Variants in PAPPA observed in about 807,000 individuals in gnomAD.
PAPPA encodes pappalysin 1.
PAPPA carries 60 observed loss-of-function variants against 164.0 expected under a neutral mutation model. That is an observed-to-expected ratio of 0.37 (90% confidence interval 0.30 to 0.45). The LOEUF (loss-of-function observed/expected upper bound fraction) is 0.45. PAPPA is among the 20% of genes least tolerant of loss of function. The pLI is 1.00. For synonymous variants in PAPPA, 875 were observed against 814.1 expected, an observed-to-expected ratio of 1.07 and a Z score of -1.27; for missense variants, 1,782 against 2,087.3, an observed-to-expected ratio of 0.85 and a Z score of 2.85.
Position 116,235,149 on chromosome 9 carries a change from T to A in PAPPA, c.2244T>A (p.Asp748Glu), listed in dbSNP as rs548846058. The change falls in exon 7 of 22, where the codon GAT becomes GAA. Residue 748 changes from aspartate (D) to glutamate (E), a missense_variant. Asp to Glu is a conservative substitution (Grantham distance 45). This residue lies in a region of PAPPA where 1,324 missense variants were observed against 1,656.9 expected (regional missense o/e 0.80). Transcript: ENST00000328252. The part of the protein sequence containing the change: ...WSPREAEGHP[D>E]VEQPCKSSVR... ...ATCTCTTCTGCATAGGTCATCCTGA[T>A]GTTGAACAGCCCTGTAAGTCCAGTG... The A allele has an allele frequency of 1.2e-6, 2 of 1,614,206 alleles. No individual in the cohort carries two copies. The highest frequency in any genetic ancestry group is 1.7e-6 in the Non-Finnish European group (2 of 1,180,022).
intron 9 of PAPPA, among the ~76,000 whole-genome samples, chr9:116,278,217 A>G (rs1845224707): frequency 6.6e-6 from 1 of 152,200 alleles, no homozygotes; most frequent in African/African-American, 2.4e-5. Flanking sequence ...TCTTTGTAAA[A>G]ATGATTTCAT....
At position 116,154,060 on chromosome 9, in the gene PAPPA, G is replaced by C; in HGVS notation, c.-113G>C. 2 of 1,145,074 alleles carry C rather than the reference G, an allele frequency of 1.7e-6. No homozygotes were observed. Among genetic ancestry groups the C allele is most frequent in the Non-Finnish European group, 2.2e-6 (2 of 924,220 alleles). The allele number at this position is 1,145,074 out of a possible 1,614,324, so 70.9% of individuals were successfully genotyped here. On this transcript the variant is annotated 5_prime_UTR_variant, in exon 1 of 22. Coordinates refer to ENST00000328252, the MANE Select transcript of PAPPA (RefSeq NM_002581.5). This position sits in a 1 kb window ranked among gnomAD's most constrained non-coding sequence, Gnocchi z 5.2. ...AAGAAAAAAGCAAGTGGAAAGGGGG[G>C]CTCGCCCAAGAAGGGTGAAGAAGCG...
chr9:116,193,022 G>A (rs1844061715), intron 2 of PAPPA, among the ~76,000 whole-genome samples: 1 of 152,016 alleles, frequency 6.6e-6, no homozygotes, highest in African/African-American at 2.4e-5. Flanking sequence ...TACAAAATGG[G>A]ATGGGTGGAA....
At chr9:116,265,168 A>G (rs1845051828) in intron 7 of PAPPA, among the ~76,000 whole-genome samples, 1 of 152,216 alleles carries the variant, frequency 6.6e-6, no homozygotes, top group African/African-American at 2.4e-5. Context: ...CCTATGCCTC[A>G]GATTCACCAT....
chr9:116,339,429 T>A (rs902497457), intron 13 of PAPPA, among the ~76,000 whole-genome samples: 11 of 152,044 alleles, frequency 7.2e-5, no homozygotes, highest in African/African-American at 2.7e-4. Flanking sequence ...AAAACTTGCC[T>A]CCATACCACA....
Position 116,235,574 on chromosome 9 carries a change from G to A in PAPPA, c.2669G>A (p.Arg890Gln), listed in dbSNP as rs1564194315. ...AAGCCCCTGAAGTATAAGGTGGTCC[G>A]GGACCCTCCTCTCCAGATGGATGTG... ...QCKPLKYKVV[R>Q]DPPLQMDVAS... is the part of the protein sequence containing the mutation. Residue 890 changes from arginine to glutamine, a missense_variant, in exon 7 of 22, where the codon CGG (arginine) becomes CAG (glutamine). Physicochemically the swap from Arg to Gln is conservative, Grantham distance 43. Around this residue, in one of 2 missense-constraint regions of PAPPA, gnomAD observed 1,324 missense variants for 1,656.9 expected, o/e 0.80. Coordinates refer to ENST00000328252, the MANE Select transcript of PAPPA (RefSeq NM_002581.5). 1.2e-6 allele frequency: 2 copies of A among 1,613,482 alleles called. No individual in the cohort carries two copies. Among genetic ancestry groups the A allele is most frequent in the Non-Finnish European group, 1.7e-6 (2 of 1,179,900 alleles).
chr9:116,332,425 C>T lies in PAPPA; in HGVS notation c.3354C>T (p.Ile1118=). 1 of 1,613,958 alleles carries T rather than the reference C, an allele frequency of 6.2e-7. No individual in the cohort carries two copies. The highest frequency in any genetic ancestry group is 1.6e-4 in the Middle Eastern group (1 of 6,062). The change falls in exon 12 of 22, where the codon ATC becomes ATT. Residue 1118 remains isoleucine (I), a synonymous_variant. Transcript: ENST00000328252. The part of the protein sequence containing the change: ...TYYGDQKQET[I]SVQLLDTKDQ... ...ATGGGGACCAAAAGCAGGAGACCATCAGCGTGCAGCTGCTTGATACCAAAG... is the reference window on the plus strand; with the variant it reads ...ATGGGGACCAAAAGCAGGAGACCATTAGCGTGCAGCTGCTTGATACCAAAG...
chr9:116,186,927 G>GA (rs1843977532), intron 1 of PAPPA, among the ~76,000 whole-genome samples: 1 of 152,058 alleles, frequency 6.6e-6, no homozygotes, highest in Non-Finnish European at 1.5e-5. Flanking sequence ...AAATTGTGAT[G>GA]AAAATGCTCC....
At chr9:116,268,535 A>ATT (rs920037601) in intron 8 of PAPPA, among the ~76,000 whole-genome samples, 1 of 149,944 alleles carries the variant, frequency 6.7e-6, no homozygotes, top group Non-Finnish European at 1.5e-5. Context: ...ATTTAGCCCA[A>ATT]TTTTTTTTTT....
At chr9:116,208,325 A>G (rs1215739049) in intron 3 of PAPPA, among the ~76,000 whole-genome samples, 1 of 152,220 alleles carries the variant, frequency 6.6e-6, no homozygotes, top group Admixed American at 6.5e-5. Context: ...AAATCATAGC[A>G]TAGATGAAAT....
At chr9:116,182,584 T>G (rs2118616401) in intron 1 of PAPPA, among the ~76,000 whole-genome samples, 1 of 152,280 alleles carries the variant, frequency 6.6e-6, no homozygotes, top group Admixed American at 6.5e-5. Flanking sequence ...ATGCCCAGAG[T>G]ATTCTCCCAC....
At chr9:116,375,779 T>C (rs774894729) in intron 19 of PAPPA, among the ~76,000 whole-genome samples, 3 of 152,170 alleles carry the variant, frequency 2.0e-5, no homozygotes, top group Non-Finnish European at 4.4e-5. Context: ...TTTACATGGA[T>C]TTTCCACATT....
At chr9:116,168,883 T>C (rs909054853) in intron 1 of PAPPA, among the ~76,000 whole-genome samples, 25 of 152,232 alleles carry the variant, frequency 1.6e-4, no homozygotes, top group African/African-American at 5.8e-4. Flanking sequence ...CAATTGTCTC[T>C]GAGCTCCTTG....
chr9:116,264,922 GGT>G (rs1228454361), intron 7 of PAPPA, among the ~76,000 whole-genome samples: 2 of 152,148 alleles, frequency 1.3e-5, no homozygotes, highest in East Asian at 3.9e-4. Flanking sequence ...TTCATTTGGT[GGT>G]GTGTTTGTGA....
chr9:116,377,128 C>A (rs1846663784), intron 19 of PAPPA, among the ~76,000 whole-genome samples: 1 of 152,034 alleles, frequency 6.6e-6, no homozygotes, highest in African/African-American at 2.4e-5. Flanking sequence ...AAATGCTGCT[C>A]CACAGTTTTC....
rs571952035 is a variant in PAPPA at position 116,258,931 on chromosome 9, C to T, written c.2733-6926C>T. On this transcript the variant is annotated intron_variant, in intron 7 of 21. Transcript: ENST00000328252. The stretch of plus-strand genomic sequence containing the variant: ...GGTGGATCACCTGAGGTCAGGGGTT[C>T]GAAAGCAGCCTGGCCAACATGGTAA... Among the ~76,000 whole-genome samples, 13 of 151,990 alleles carry T rather than the reference C, an allele frequency of 8.6e-5. No homozygotes were observed. In the East Asian group the frequency reaches 2.3e-3, roughly 27 times the overall value.
chr9:116,307,837 T>C lies in PAPPA; in HGVS notation c.3147+4887T>C, dbSNP rs143407227. The stretch of plus-strand genomic sequence containing the variant: ...GGAAACCTTGAGTAAGTTACTCTTC[T>C]GGGAATCTTAGTGTCCTGTAGAAAA... On this transcript the variant is annotated intron_variant, in intron 10 of 21. Coordinates refer to ENST00000328252, the MANE Select transcript of PAPPA (RefSeq NM_002581.5). 1.2e-3 allele frequency among the ~76,000 whole-genome samples: 182 copies of C among 152,286 alleles called. 1 individual carries two copies. Among genetic ancestry groups the C allele is most frequent in the African/African-American group, 4.1e-3 (171 of 41,560 alleles).
At chr9:116,234,761 T>C (rs1419703149) in intron 6 of PAPPA, among the ~76,000 whole-genome samples, 1 of 152,196 alleles carries the variant, frequency 6.6e-6, no homozygotes, top group Non-Finnish European at 1.5e-5. Context: ...ACCTCCTAAA[T>C]AAGTCCTTGC....
At chr9:116,165,593 CCCA>C (rs1400576062) in intron 1 of PAPPA, among the ~76,000 whole-genome samples, 3 of 152,204 alleles carry the variant, frequency 2.0e-5, no homozygotes, top group Admixed American at 1.3e-4. Flanking sequence ...CTTCAACCTG[CCCA>C]CCAACATCCA....
Sources: gnomAD v4.1 joint callset for allele counts (sites outside exome capture counted in the v4.1 genomes callset) on GRCh38, gnomAD v4.1.1 for gene constraint, gnomAD v4.1.1 regional missense constraint, Gnocchi (gnomAD v3.1) non-coding constraint, MANE v1.5 for transcripts, NCBI Gene and HGNC (gene_info 2026-07-23, HGNC 2026-07-21) for gene names.